Variants in ACBD6 observed in about 807,000 individuals in gnomAD.
ACBD6 encodes acyl-CoA binding domain containing 6, also known as acyl-CoA-binding domain-containing protein 6.
In ACBD6, 28 loss-of-function variants were observed where a neutral mutation model predicts 37.2. The ratio of observed to expected loss-of-function variants is 0.75; its 90% CI spans 0.56 to 1.03. ACBD6 has a LOEUF of 1.03. Among genes scored for constraint, ACBD6 ranks in the 50% least tolerant of loss-of-function variants. The pLI is 0.00. For synonymous variants in ACBD6, 113 were observed against 126.8 expected (o/e 0.89, Z 0.73); for missense variants, 340 against 337.4 (o/e 1.01, Z -0.06).
chr1:180,392,810 T>G (rs1039858857), intron 6 of ACBD6, among the ~76,000 whole-genome samples: 8 of 152,072 alleles, frequency 5.3e-5, no homozygotes, highest in African/African-American at 1.7e-4. Context: ...CACAAGGTAT[T>G]CACCGAGAGG....
chr1:180,496,096 C>T (rs1651728970), intron 1 of ACBD6, among the ~76,000 whole-genome samples: 1 of 152,122 alleles, frequency 6.6e-6, no homozygotes. Context: ...AAATACAATT[C>T]CGTTTTTCTA....
chr1:180,378,264 A>AG (rs1653513263), intron 6 of ACBD6, among the ~76,000 whole-genome samples: 1 of 152,180 alleles, frequency 6.6e-6, no homozygotes, highest in Non-Finnish European at 1.5e-5. Flanking sequence ...AACCCAAGTG[A>AG]GGAACATTCT....
intron 6 of ACBD6, among the ~76,000 whole-genome samples, chr1:180,354,644 G>C (rs899733376): frequency 6.6e-6 from 1 of 152,142 alleles, no homozygotes; most frequent in African/African-American, 2.4e-5. Context: ...TGCATTCAAA[G>C]ATAAAACTAT....
chr1:180,417,682 G>C (rs1176093095), intron 4 of ACBD6, among the ~76,000 whole-genome samples: 2 of 152,078 alleles, frequency 1.3e-5, no homozygotes, highest in Non-Finnish European at 2.9e-5. Flanking sequence ...CTGTTTCTAA[G>C]GGTCTGCTTG....
chr1:180,445,887 T>C (rs1429463020), intron 3 of ACBD6, among the ~76,000 whole-genome samples: 1 of 152,248 alleles, frequency 6.6e-6, no homozygotes. Flanking sequence ...CAAGATCCTT[T>C]GATATTCCAA....
chr1:180,429,920 C>T (rs950679105), intron 4 of ACBD6, among the ~76,000 whole-genome samples: 6 of 152,076 alleles, frequency 3.9e-5, no homozygotes, highest in Non-Finnish European at 7.4e-5. Flanking sequence ...ATCACTTATT[C>T]AGACTTATCT....
At chr1:180,473,974 A>G (rs1263986076) in intron 3 of ACBD6, among the ~76,000 whole-genome samples, 3 of 152,224 alleles carry the variant, frequency 2.0e-5, no homozygotes, top group African/African-American at 7.2e-5. Context: ...ACATACATAC[A>G]CACACCCATA....
intron 3 of ACBD6, among the ~76,000 whole-genome samples, chr1:180,461,659 A>G (rs1290054775): frequency 2.0e-5 from 3 of 152,222 alleles, no homozygotes; most frequent in Non-Finnish European, 4.4e-5. Flanking sequence ...ATATCCAACC[A>G]AACTAAGCTT....
intron 1 of ACBD6, 122 bp downstream of exon 1, chr1:180,501,923 A>C (rs1263645159): frequency 6.2e-6 from 6 of 964,036 alleles, no homozygotes; most frequent in South Asian, 1.5e-5. Context: ...AAAAAACAAA[A>C]CAAAATACAC....
chr1:180,490,916 C>T (rs1419161563), intron 3 of ACBD6, among the ~76,000 whole-genome samples: 3 of 142,238 alleles, frequency 2.1e-5, no homozygotes, highest in African/African-American at 5.2e-5. Context: ...CAAGATCCTA[C>T]TACTGTGCTC....
rs1650202864 is a variant in ACBD6 at position 180,303,220 on chromosome 1, T to C, written c.694+11472A>G. The stretch of plus-strand genomic sequence containing the variant: ...ACTAGAGAAGCAAGAGCAAACACAT[T>C]CAAAAGCTAGCAGAAGGCAAGAAAT... On this transcript the variant is annotated intron_variant, in intron 7 of 7. Transcript: ENST00000367595. 3.3e-5 allele frequency among the ~76,000 whole-genome samples: 5 copies of C among 149,352 alleles called. No individual in the cohort carries two copies. In the South Asian group the frequency reaches 1.1e-3, roughly 32 times the overall value.
At chr1:180,272,143 A>G (rs1648709964) in intron 13 of ACBD6, 10 of 748,338 alleles carry the variant, frequency 1.3e-5, no homozygotes, top group Non-Finnish European at 1.9e-5. Flanking sequence ...TAAGACTTGC[A>G]GTGAAGGGTG....
chr1:180,287,586 T>C (rs1446969620), downstream of ACBD6, among the ~76,000 whole-genome samples: 1 of 146,684 alleles, frequency 6.8e-6, no homozygotes, highest in African/African-American at 2.5e-5. Flanking sequence ...AGCTTTTTTT[T>C]TTTTTTTTTT....
intron 3 of ACBD6, among the ~76,000 whole-genome samples, chr1:180,442,335 G>T (rs1649315313): frequency 6.6e-6 from 1 of 151,878 alleles, no homozygotes; most frequent in Non-Finnish European, 1.5e-5. Context: ...TGGCATGTCT[G>T]GGGCAATTTT....
At chr1:180,271,587 G>T in exon 14 of ACBD6, 6 of 1,604,204 alleles carry the variant, frequency 3.7e-6, no homozygotes, top group Non-Finnish European at 5.1e-6. Context: ...CGGGACAGGG[G>T]TGGAAGGTAT....
At chr1:180,332,885 AT>A (rs1384762342) in intron 6 of ACBD6, among the ~76,000 whole-genome samples, 1 of 152,188 alleles carries the variant, frequency 6.6e-6, no homozygotes, top group Non-Finnish European at 1.5e-5. Context: ...AAGCCAGATT[AT>A]GTCATACCTT....
chr1:180,466,997 A>G (rs1010323887), intron 3 of ACBD6, among the ~76,000 whole-genome samples: 2 of 152,164 alleles, frequency 1.3e-5, no homozygotes, highest in Non-Finnish European at 2.9e-5. Flanking sequence ...TATGATCCCC[A>G]AAGATTAACA....
chr1:180,333,975 C>T (rs1269767799), intron 6 of ACBD6, among the ~76,000 whole-genome samples: 1 of 152,214 alleles, frequency 6.6e-6, no homozygotes, highest in Non-Finnish European at 1.5e-5. Flanking sequence ...GGGAGGGGCG[C>T]CTGCCATTGC....
intron 6 of ACBD6, among the ~76,000 whole-genome samples, chr1:180,363,422 C>CA (rs1652920516): frequency 6.6e-6 from 1 of 152,012 alleles, no homozygotes; most frequent in South Asian, 2.1e-4. Context: ...GTGTAGAAAA[C>CA]AAAAGTATGG....
Sources: gnomAD v4.1 joint callset for allele counts (sites outside exome capture counted in the v4.1 genomes callset) on GRCh38, gnomAD v4.1.1 for gene constraint, MANE v1.5 for transcripts, NCBI Gene and HGNC (gene_info 2026-07-23, HGNC 2026-07-21) for gene names.